ERC1: variants seen among roughly 807,000 people sequenced by gnomAD.
ERC1 encodes RAB6 interacting protein 2.
ERC1 carries 56 observed loss-of-function variants against 132.0 expected under a neutral mutation model. The observed-to-expected ratio is 0.42, with a 90% confidence interval of 0.34 to 0.53. The LOEUF is 0.53. ERC1 is among the 20% of genes least tolerant of loss of function. The pLI, the probability that ERC1 is intolerant of heterozygous loss-of-function variation, is 0.03. For synonymous variants in ERC1, 478 were observed against 476.1 expected, an observed-to-expected ratio of 1.00 and a Z score of -0.05; for missense variants, 1,202 against 1,349.9, an observed-to-expected ratio of 0.89 and a Z score of 1.72.
At chr12:1,437,589 A>G (rs1301952292) in intron 17 of ERC1, among the ~76,000 whole-genome samples, 1 of 152,210 alleles carries the variant, frequency 6.6e-6, no homozygotes, top group Non-Finnish European at 1.5e-5. Flanking sequence ...ATAATGCATA[A>G]GGTAAAAGAG....
intron 15 of ERC1, among the ~76,000 whole-genome samples, chr12:1,301,912 C>G (rs2080433781): frequency 6.6e-6 from 1 of 152,172 alleles, no homozygotes; most frequent in South Asian, 2.1e-4. Context: ...CTGTTGAATT[C>G]TACCAAATGT....
chr12:1,212,407 A>G (rs374850174), intron 12 of ERC1, among the ~76,000 whole-genome samples: 1 of 152,062 alleles, frequency 6.6e-6, no homozygotes, highest in South Asian at 2.1e-4. Context: ...TTTCCTGATC[A>G]TCACCACCAC....
chr12:1,401,814 T>C (rs1409878530), intron 16 of ERC1, among the ~76,000 whole-genome samples: 3 of 151,686 alleles, frequency 2.0e-5, no homozygotes, highest in Non-Finnish European at 4.4e-5. Flanking sequence ...TCAATAAATC[T>C]AGTTATTCAA....
intron 3 of ERC1, among the ~76,000 whole-genome samples, chr12:1,097,527 T>C (rs1256709480): frequency 6.6e-6 from 1 of 152,080 alleles, no homozygotes; most frequent in African/African-American, 2.4e-5. Context: ...GGGGTTCAGG[T>C]AGTTACTCAA....
At chr12:1,194,158 G>T (rs781064400) in intron 12 of ERC1, among the ~76,000 whole-genome samples, 1 of 152,118 alleles carries the variant, frequency 6.6e-6, no homozygotes, top group African/African-American at 2.4e-5. Context: ...AGTGGCTCAC[G>T]CCTGTAATCC....
At chr12:1,207,964 TG>T (rs1957493022) in intron 12 of ERC1, among the ~76,000 whole-genome samples, 1 of 152,204 alleles carries the variant, frequency 6.6e-6, no homozygotes, top group Non-Finnish European at 1.5e-5. Flanking sequence ...ATACTTACTC[TG>T]GCACCCACCC....
chr12:1,028,050 C>T lies in ERC1; in HGVS notation c.147C>T (p.Gly49=). ...GGSSGSSVGG[G]SGKTLSMENI... is the part of the protein sequence containing the mutation. ...GTTCGGGAAGCAGTGTTGGAGGTGG[C>T]AGTGGGAAAACCCTTTCAATGGAAA... Residue 49 remains glycine (G), a synonymous_variant, in exon 2 of 19, where the codon GGC becomes GGT. Transcript: ENST00000360905. 2.5e-6 allele frequency: 4 copies of T among 1,614,132 alleles called. No individual in the cohort carries two copies. The highest frequency in any genetic ancestry group is 3.4e-6 in the Non-Finnish European group (4 of 1,180,026).
intron 2 of ERC1, among the ~76,000 whole-genome samples, chr12:1,040,772 CACTT>C (rs1372214813): frequency 6.6e-6 from 1 of 152,096 alleles, no homozygotes; most frequent in Non-Finnish European, 1.5e-5. Context: ...ATTGCAGTGA[CACTT>C]GCTTAATTTC....
intron 3 of ERC1, among the ~76,000 whole-genome samples, chr12:1,098,233 T>A (rs1944281321): frequency 6.6e-6 from 1 of 152,228 alleles, no homozygotes; most frequent in South Asian, 2.1e-4. Flanking sequence ...TTCATGCATT[T>A]TGTTTAATTT....
At chr12:1,384,655 T>C (rs887565086) in intron 16 of ERC1, among the ~76,000 whole-genome samples, 5 of 152,206 alleles carry the variant, frequency 3.3e-5, no homozygotes, top group African/African-American at 1.2e-4. Flanking sequence ...AGAACATCTA[T>C]CATACCTGAA....
intron 7 of ERC1, among the ~76,000 whole-genome samples, chr12:1,134,974 C>T (rs1949115069): frequency 6.6e-6 from 1 of 152,104 alleles, no homozygotes; most frequent in African/African-American, 2.4e-5. Flanking sequence ...GTGATCTGGC[C>T]ACCTTGGTCT....
chr12:1,061,467 G>T (rs569030048), intron 2 of ERC1, among the ~76,000 whole-genome samples: 2 of 151,834 alleles, frequency 1.3e-5, no homozygotes, highest in South Asian at 4.2e-4. Context: ...GCTGGGCGTG[G>T]TGGTGTATGC....
At chr12:1,255,452 G>T (rs142961589) in intron 13 of ERC1, among the ~76,000 whole-genome samples, 1 of 151,918 alleles carries the variant, frequency 6.6e-6, no homozygotes, top group Non-Finnish European at 1.5e-5. Context: ...ATCCTTTGGG[G>T]TATATACCCA....
chr12:1,391,388 C>T (rs939002239), intron 16 of ERC1: 1 of 152,478 alleles, frequency 6.6e-6, no homozygotes, highest in African/African-American at 2.4e-5. Flanking sequence ...GTATCCCTGC[C>T]TGGTTAGGGT....
chr12:1,234,267 ACT>A (rs2075267597), intron 12 of ERC1, among the ~76,000 whole-genome samples: 1 of 152,144 alleles, frequency 6.6e-6, no homozygotes, highest in Non-Finnish European at 1.5e-5. Context: ...GTAATATGAT[ACT>A]CTCTTGTGAT....
chr12:1,486,691 C>T (rs2093571381), intron 18 of ERC1, among the ~76,000 whole-genome samples: 2 of 152,140 alleles, frequency 1.3e-5, no homozygotes, highest in South Asian at 4.1e-4. Context: ...TCCCAAAGTG[C>T]TGGGTTTACA....
intron 3 of ERC1, among the ~76,000 whole-genome samples, chr12:1,097,715 ATTTT>A (rs544266211): frequency 4.4e-5 from 6 of 137,476 alleles, no homozygotes; most frequent in African/African-American, 1.1e-4. Context: ...TTAATTTTTA[ATTTT>A]TTTTTTTTTT....
rs542042766 is a variant in ERC1, at chr12:1,040,939, G to GCT, written c.669+12370_669+12371dup. Among the ~76,000 whole-genome samples, 15 of 152,132 alleles carry GCT rather than the reference G, an allele frequency of 9.9e-5. No homozygotes were observed. In the South Asian group the frequency reaches 2.7e-3, roughly 27 times the overall value. On this transcript the variant is annotated intron_variant, in intron 2 of 18. Transcript: ENST00000360905. ...GCTTTGAAGTCATCCTGAGATAACT[G>GCT]CTCTGATCTTAAATGATCCTCAGAT...
intron 18 of ERC1, among the ~76,000 whole-genome samples, chr12:1,450,638 C>G (rs2093406413): frequency 6.6e-6 from 1 of 152,186 alleles, no homozygotes; most frequent in Non-Finnish European, 1.5e-5. Context: ...ACTGTGCTTT[C>G]CGTTCTTTTG....
Sources: gnomAD v4.1 joint callset for allele counts (sites outside exome capture counted in the v4.1 genomes callset) on GRCh38, gnomAD v4.1.1 for gene constraint, MANE v1.5 for transcripts, NCBI Gene and HGNC (gene_info 2026-07-23, HGNC 2026-07-21) for gene names.